The following NCOA3 variants were observed in gnomAD, a reference collection of about 807,000 sequenced individuals.
NCOA3 encodes CBP-interacting protein.
A neutral mutation model predicts 158.8 loss-of-function variants in NCOA3; 51 were observed. The observed-to-expected ratio is 0.32, with a 90% CI of 0.26 to 0.41. NCOA3 has a LOEUF of 0.41. Ranked by LOEUF, NCOA3 falls within the 10% of genes least tolerant of loss-of-function variation. The pLI, the probability that NCOA3 is intolerant of heterozygous loss-of-function variation, is 1.00. For missense variants in NCOA3, 1,510 were observed against 1,746.6 expected (o/e 0.86, Z 2.41); for synonymous variants, 537 against 592.4 (o/e 0.91, Z 1.36).
Position 47,508,047 on chromosome 20 carries a change from GT to G in NCOA3, c.-99+6031del, listed in dbSNP as rs534020612. Among the ~76,000 whole-genome samples, 5 of 151,506 alleles carry G rather than the reference GT, an allele frequency of 3.3e-5. No individual in the cohort carries two copies. The South Asian group carries it at 6.3e-4, about 19-fold the overall frequency. On this transcript the variant is annotated intron_variant, in intron 1 of 22. Coordinates refer to ENST00000371998, the MANE Select transcript of NCOA3 (RefSeq NM_181659.3). ...GATTTTTAGGTCTATAAATTGTATTGTTTAAAAAAAAGGGATAGTAATGATG... is the reference window on the plus strand; with the variant it reads ...GATTTTTAGGTCTATAAATTGTATTGTTAAAAAAAAGGGATAGTAATGATG...
intron 2 of NCOA3, among the ~76,000 whole-genome samples, chr20:47,616,250 A>G (rs1304588358): frequency 6.8e-6 from 1 of 146,264 alleles, no homozygotes; most frequent in Non-Finnish European, 1.5e-5. Context: ...CTGGAGTACA[A>G]TGGCACAATC....
At chr20:47,634,489 G>C (rs932821354) in intron 10 of NCOA3, among the ~76,000 whole-genome samples, 1 of 152,210 alleles carries the variant, frequency 6.6e-6, no homozygotes, top group African/African-American at 2.4e-5. Flanking sequence ...CTGATAATGT[G>C]TGTTGCTTTG....
chr20:47,599,779 A>T (rs528126643), intron 2 of NCOA3, among the ~76,000 whole-genome samples: 3 of 152,232 alleles, frequency 2.0e-5, no homozygotes, highest in Admixed American at 6.5e-5. Context: ...TATATGGTCA[A>T]TATGAATTCC....
chr20:47,553,812 G>C (rs1417690382), intron 1 of NCOA3, among the ~76,000 whole-genome samples: 1 of 152,000 alleles, frequency 6.6e-6, no homozygotes, highest in African/African-American at 2.4e-5. Flanking sequence ...TGGACATTTG[G>C]GTTGGTTCCA....
At chr20:47,642,445 T>C in intron 17 of NCOA3, 61 bp downstream of exon 17, 2 of 1,185,786 alleles carry the variant, frequency 1.7e-6, no homozygotes, top group Non-Finnish European at 2.2e-6. Flanking sequence ...CGCGTACACA[T>C]TCATGAAGCC....
In NCOA3 at chr20:47,522,143, C is replaced by G. The variant is rs7268358; in HGVS notation, c.-99+20124C>G. 2.6e-3 allele frequency among the ~76,000 whole-genome samples: 305 copies of G among 118,452 alleles called. 1 individual carries two copies. The highest frequency in any genetic ancestry group is 9.1e-3 in the African/African-American group (283 of 31,266). 77.7% of individuals were successfully genotyped at this position (118,452 alleles called of 152,430 possible). On this transcript the variant is annotated intron_variant, in intron 1 of 22. Coordinates refer to ENST00000371998, the MANE Select transcript of NCOA3 (RefSeq NM_181659.3). ...TTTTTGAGACGGAGTCTTGCTGTCT[C>G]CTAGGCTGGAGTGCAGTGGAGCGAT... is the stretch of plus-strand genomic sequence containing the variant.
chr20:47,502,540 A>T (rs2083952931), intron 1 of NCOA3, among the ~76,000 whole-genome samples: 2 of 151,790 alleles, frequency 1.3e-5, no homozygotes, highest in African/African-American at 4.8e-5. Flanking sequence ...GCATTTAAAA[A>T]ATATTTTAAC....
intron 2 of NCOA3, among the ~76,000 whole-genome samples, chr20:47,595,650 A>G (rs188614656): frequency 6.6e-6 from 1 of 152,126 alleles, no homozygotes; most frequent in African/African-American, 2.4e-5. Context: ...AAAAAATAAA[A>G]TATTTGATGC....
rs563370156 is a variant in NCOA3 at position 47,522,931 on chromosome 20, C to A, written c.-99+20912C>A. Among the ~76,000 whole-genome samples the A allele has an allele frequency of 9.9e-5, 15 of 152,018 alleles. No individual in the cohort carries two copies. The South Asian group carries it at 3.1e-3, about 32-fold the overall frequency. ...ACGAGCCCGGCGCGGTGGCTCACCCCTGTAATGCCAGCACTTTGGGAGGCC... is the reference window on the plus strand; with the variant it reads ...ACGAGCCCGGCGCGGTGGCTCACCCATGTAATGCCAGCACTTTGGGAGGCC... On this transcript the variant is annotated intron_variant, in intron 1 of 22. Coordinates refer to ENST00000371998, the MANE Select transcript of NCOA3 (RefSeq NM_181659.3).
intron 1 of NCOA3, among the ~76,000 whole-genome samples, chr20:47,525,607 G>C (rs1271818471): frequency 1.9e-5 from 2 of 106,942 alleles, no homozygotes; most frequent in East Asian, 2.5e-4. Flanking sequence ...CTGGCCGGGC[G>C]GGGGGCTGAC....
At position 47,652,495 on chromosome 20, in the gene NCOA3, C is replaced by T; in HGVS notation, c.4036C>T (p.Pro1346Ser). The change falls in exon 21 of 23, where the codon CCC (proline) becomes TCC (serine). Residue 1346 changes from proline (P) to serine (S), a missense_variant. This residue lies in a region of NCOA3 where 180 missense variants were observed against 199.3 expected (regional missense o/e 0.90). Coordinates refer to ENST00000371998, the MANE Select transcript of NCOA3 (RefSeq NM_181659.3). ...MSSRMGPSQN[P>S]MMQHPQAASI... The stretch of plus-strand genomic sequence containing the variant: ...GTCAAGAATGGGTCCCTCCCAGAAT[C>T]CCATGATGCAACACCCGCAGGCTGC... 1 of 1,614,076 alleles carries T rather than the reference C, an allele frequency of 6.2e-7. No homozygotes were observed. Among genetic ancestry groups the T allele is most frequent in the Non-Finnish European group, 8.5e-7 (1 of 1,179,942 alleles).
intron 1 of NCOA3, among the ~76,000 whole-genome samples, chr20:47,533,796 G>A (rs1053657834): frequency 6.6e-6 from 1 of 152,108 alleles, no homozygotes; most frequent in Non-Finnish European, 1.5e-5. Context: ...ATGGTGGCAG[G>A]TGCCTGTGGT....
chr20:47,566,138 G>A (rs1275536763), intron 1 of NCOA3, among the ~76,000 whole-genome samples: 1 of 152,060 alleles, frequency 6.6e-6, no homozygotes, highest in Admixed American at 6.6e-5. Context: ...GGCCAGGCTG[G>A]TCTCGAACTC....
chr20:47,637,496 T>C, intron 12 of NCOA3, 152 bp from the exon 13 acceptor site: 1 of 512,860 alleles, frequency 1.9e-6, no homozygotes, highest in Non-Finnish European at 3.3e-6. Flanking sequence ...ATGGGGGTCA[T>C]AATAAACTGG....
intron 2 of NCOA3, among the ~76,000 whole-genome samples, chr20:47,608,196 A>C (rs944028760): frequency 6.6e-6 from 1 of 152,148 alleles, no homozygotes; most frequent in African/African-American, 2.4e-5. Flanking sequence ...CTGTAATCCC[A>C]ACTACTTGGG....
chr20:47,644,433 G>A (rs2086657511), intron 17 of NCOA3, among the ~76,000 whole-genome samples: 1 of 152,174 alleles, frequency 6.6e-6, no homozygotes, highest in Admixed American at 6.5e-5. Context: ...ACAGGCGTGA[G>A]CCACCGCGCC....
At chr20:47,598,246 CA>C (rs71183268) in intron 2 of NCOA3, among the ~76,000 whole-genome samples, 2,023 of 84,516 alleles carry the variant, frequency 0.024, 35 homozygotes, top group African/African-American at 0.083. Flanking sequence ...GACTCTGTCT[CA>C]AAAAAAAAAA....
rs534445744 is a variant in NCOA3 at position 47,636,337 on chromosome 20, G to C, written c.1951G>C (p.Val651Leu). The C allele has an allele frequency of 2.7e-4, 437 of 1,614,194 alleles. 5 individuals carry two copies. The South Asian group carries it at 4.4e-3, about 16-fold the overall frequency. The change falls in exon 12 of 23, where the codon GTT becomes CTT. Residue 651 changes from valine (V) to leucine (L), a missense_variant. Val to Leu is a conservative substitution (Grantham distance 32, BLOSUM62 1). Transcript: ENST00000371998. ...PLDSSCKESS[V>L]SVTSPSGVSS... ...AGATTCAAGTTGTAAAGAATCTTCT[G>C]TTAGTGTCACCAGCCCCTCTGGAGT...
intron 1 of NCOA3, among the ~76,000 whole-genome samples, chr20:47,535,662 C>T (rs1427399861): frequency 1.3e-5 from 2 of 152,038 alleles, no homozygotes; most frequent in Non-Finnish European, 2.9e-5. Context: ...CATGCACCAC[C>T]ACATCTGGCT....
Sources: allele counts gnomAD v4.1 joint callset (sites outside exome capture counted in the v4.1 genomes callset), GRCh38; gene constraint gnomAD v4.1.1; regional missense constraint gnomAD v4.1.1; transcripts MANE v1.5; gene names NCBI Gene and HGNC (gene_info 2026-07-23, HGNC 2026-07-21).